The following TTYH1 variants were observed in gnomAD, a reference collection of about 807,000 sequenced individuals.
The protein encoded by TTYH1 is protein tweety homolog 1.
A neutral mutation model predicts 61.2 loss-of-function variants in TTYH1; 33 were observed. The ratio of observed to expected loss-of-function variants is 0.54; its 90% CI spans 0.41 to 0.72. The LOEUF is 0.72. Among genes scored for constraint, TTYH1 ranks in the 30% least tolerant of loss-of-function variants. TTYH1 has a pLI of 0.00. For missense variants in TTYH1, 538 were observed against 575.8 expected, an observed-to-expected ratio of 0.93 and a Z score of 0.67; for synonymous variants, 308 against 266.4, an observed-to-expected ratio of 1.16 and a Z score of -1.52.
At chr19:54,426,811 C>G (rs769875375) in intron 5 of TTYH1, 43 bp downstream of exon 5, 1 of 1,539,842 alleles carries the variant, frequency 6.5e-7, no homozygotes, top group Admixed American at 1.7e-5. Context: ...GCCTGGCACT[C>G]TCCTGGCAGG....
intron 10 of TTYH1, 140 bp downstream of exon 10, chr19:54,431,331 T>C (rs1207382936): frequency 1.6e-6 from 1 of 640,430 alleles, no homozygotes. Context: ...GATTTATCTG[T>C]CCTATATCTA....
chr19:54,431,253 C>T, intron 10 of TTYH1, 62 bp downstream of exon 10: 1 of 1,129,402 alleles, frequency 8.9e-7, no homozygotes, highest in Non-Finnish European at 1.3e-6. Context: ...ACCCACAGAA[C>T]TACCTCCTCC....
Position 54,416,081 on chromosome 19 carries a change from G to T in TTYH1, c.126+403G>T. ...GATCAGAGCAGGTGAATATGTCCCA[G>T]ATAAGGTGGGACCCAGGAGACAGCG... On this transcript the variant is annotated intron_variant, in intron 1 of 13. Coordinates refer to ENST00000376530, the MANE Select transcript of TTYH1 (RefSeq NM_020659.4). This position sits in a 1 kb window ranked among gnomAD's most constrained non-coding sequence, Gnocchi z 7.0. 7.7e-7 allele frequency: 1 copy of T among 1,305,292 alleles called. No individual in the cohort carries two copies. The highest frequency in any genetic ancestry group is 1.0e-6 in the Non-Finnish European group (1 of 989,558). The allele number at this position is 1,305,292 out of a possible 1,614,324, so 80.9% of individuals were successfully genotyped here. A position where few individuals can be genotyped will look rare whatever the true frequency, so the allele number is the denominator to read the frequency against.
At position 54,420,299 on chromosome 19, in the gene TTYH1, G is replaced by A. The variant is rs2083182907; in HGVS notation, c.306-978G>A. 6.6e-6 allele frequency among the ~76,000 whole-genome samples: 1 copy of A among 152,178 alleles called. No individual in the cohort carries two copies. The highest frequency in any genetic ancestry group is 1.5e-5 in the Non-Finnish European group (1 of 68,016). On this transcript the variant is annotated intron_variant, in intron 2 of 13. Coordinates refer to ENST00000376530, the MANE Select transcript of TTYH1 (RefSeq NM_020659.4). The surrounding 1 kb of genome is among the most constrained non-coding windows in gnomAD (Gnocchi z 4.8). ...GCAAGGGGAGGGACCTGTAGGGGTG[G>A]CCTGTATTCAGGACGCTTCCTCCTC...
At position 54,419,914 on chromosome 19, in the gene TTYH1, G is replaced by A. The variant is rs1262663802; in HGVS notation, c.305+608G>A. 6.6e-6 allele frequency among the ~76,000 whole-genome samples: 1 copy of A among 152,140 alleles called. No individual in the cohort carries two copies. The highest frequency in any genetic ancestry group is 2.4e-5 in the African/African-American group (1 of 41,428). On this transcript the variant is annotated intron_variant, in intron 2 of 13. Transcript: ENST00000376530. The surrounding 1 kb of genome is among the most constrained non-coding windows in gnomAD (Gnocchi z 6.1). ...AAATAGATATAATCACCCTCCAAGA[G>A]CACCTCATCTGTGCCCAGACCTGAG...
At chr19:54,417,033 T>C (rs2122845865) in intron 1 of TTYH1, 1 of 1,042,834 alleles carries the variant, frequency 9.6e-7, no homozygotes, top group African/African-American at 1.8e-5. Context: ...GGGGGACCCC[T>C]GCAGGGACGC....
chr19:54,426,056 C>G (rs1339184457), intron 4 of TTYH1, among the ~76,000 whole-genome samples: 1 of 152,230 alleles, frequency 6.6e-6, no homozygotes, highest in Non-Finnish European at 1.5e-5. Flanking sequence ...CCCTCGTTCA[C>G]GCTCAGGCTA....
chr19:54,420,774 C>T lies in TTYH1; in HGVS notation c.306-503C>T, dbSNP rs542547262. On this transcript the variant is annotated intron_variant, in intron 2 of 13. Coordinates refer to ENST00000376530, the MANE Select transcript of TTYH1 (RefSeq NM_020659.4). This position sits in a 1 kb window ranked among gnomAD's most constrained non-coding sequence, Gnocchi z 4.8. ...CCCCAGGAGATGGTGGCAGCTGCCCCCCTTGTACCCTTAGGAACCCCCAGG... is the reference window on the plus strand; with the variant it reads ...CCCCAGGAGATGGTGGCAGCTGCCCTCCTTGTACCCTTAGGAACCCCCAGG... 5.8e-6 allele frequency: 1 copy of T among 173,666 alleles called. No individual in the cohort carries two copies. The highest frequency in any genetic ancestry group is 1.8e-4 in the South Asian group (1 of 5,492). 10.8% of individuals were successfully genotyped at this position (173,666 alleles called of 1,614,324 possible).
In TTYH1 at chr19:54,420,373, G is replaced by T. The variant is rs1434213291; in HGVS notation, c.306-904G>T. On this transcript the variant is annotated intron_variant, in intron 2 of 13. Transcript: ENST00000376530. The surrounding 1 kb of genome is among the most constrained non-coding windows in gnomAD (Gnocchi z 4.8). ...CAGGGGAGGTGGACAAAGGCCCAGT[G>T]GGGGAGAGACACGGCCCCAGCCCCC... is the stretch of plus-strand genomic sequence containing the variant. 6.6e-6 allele frequency among the ~76,000 whole-genome samples: 1 copy of T among 152,178 alleles called. No individual in the cohort carries two copies. The highest frequency in any genetic ancestry group is 1.5e-5 in the Non-Finnish European group (1 of 68,010).
chr19:54,435,912 G>A lies in TTYH1; in HGVS notation c.1314+39G>A, dbSNP rs771560456. The A allele has an allele frequency of 3.1e-6, 5 of 1,606,902 alleles. No individual in the cohort carries two copies. In the African/African-American group the frequency reaches 4.0e-5, roughly 13 times the overall value. ...GGGTCTGAGGGAGGAGGGGCGGGGG[G>A]TCCTGAACTCCTGGGTCTGAGGGAG... On this transcript the variant is annotated intron_variant, in intron 12 of 13. Coordinates refer to ENST00000376530, the MANE Select transcript of TTYH1 (RefSeq NM_020659.4).
At chr19:54,432,845 A>C (rs2083469052) in intron 10 of TTYH1, 1 of 152,198 alleles carries the variant, frequency 6.6e-6, no homozygotes, top group South Asian at 2.1e-4. Flanking sequence ...AACCCTACCC[A>C]AGAGGGATTT....
chr19:54,428,984 G>T (rs1021158684), intron 5 of TTYH1, among the ~76,000 whole-genome samples: 3 of 152,182 alleles, frequency 2.0e-5, no homozygotes, highest in South Asian at 4.1e-4. Context: ...GTGGACTTGG[G>T]GGAGCCTTCG....
intron 4 of TTYH1, among the ~76,000 whole-genome samples, chr19:54,425,080 C>T (rs1244809588): frequency 6.6e-6 from 1 of 152,202 alleles, no homozygotes; most frequent in East Asian, 1.9e-4. Flanking sequence ...TGGAACCCAG[C>T]GACCAGTGTT....
rs1569271286 is a variant in TTYH1, at chr19:54,436,216, C to A, written c.*42+45C>A. The A allele has an allele frequency of 6.2e-7, 1 of 1,605,958 alleles. No homozygotes were observed. The highest frequency in any genetic ancestry group is 1.7e-5 in the Admixed American group (1 of 59,862). ...CCCAGCTCCTGCAGCCGGGCCTCTG[C>A]CCCCCTCCCGCCCTCCGAGCTGCTC... is the stretch of plus-strand genomic sequence containing the variant. On this transcript the variant is annotated intron_variant, in intron 13 of 13. Coordinates refer to ENST00000376530, the MANE Select transcript of TTYH1 (RefSeq NM_020659.4). The surrounding 1 kb of genome is among the most constrained non-coding windows in gnomAD (Gnocchi z 4.3).
At chr19:54,430,635 T>C (rs2083418575) in intron 8 of TTYH1, 30 bp downstream of exon 8, 2 of 1,611,212 alleles carry the variant, frequency 1.2e-6, no homozygotes, top group African/African-American at 1.3e-5. Flanking sequence ...GAAACGGGTG[T>C]TGAGGGAGCC....
chr19:54,416,928 C>G lies in TTYH1; in HGVS notation c.126+1250C>G. On this transcript the variant is annotated intron_variant, in intron 1 of 13. Coordinates refer to ENST00000376530, the MANE Select transcript of TTYH1 (RefSeq NM_020659.4). This position sits in a 1 kb window ranked among gnomAD's most constrained non-coding sequence, Gnocchi z 7.0. ...GCGGCCCCAGTCACCGCCAGAGGCA[C>G]GGGTTTGGGGGAGCCTCACTCCGCC... is the stretch of plus-strand genomic sequence containing the variant. 1 of 1,277,442 alleles carries G rather than the reference C, an allele frequency of 7.8e-7. No individual in the cohort carries two copies. The highest frequency in any genetic ancestry group is 1.3e-5 in the South Asian group (1 of 79,018). The allele number at this position is 1,277,442 out of a possible 1,614,324, so 79.1% of individuals were successfully genotyped here.
chr19:54,420,498 T>C lies in TTYH1; in HGVS notation c.306-779T>C, dbSNP rs971655356. Among the ~76,000 whole-genome samples, 5 of 150,510 alleles carry C rather than the reference T, an allele frequency of 3.3e-5. No individual in the cohort carries two copies. The highest frequency in any genetic ancestry group is 1.2e-4 in the African/African-American group (5 of 40,802). ...ATGGGGGTGGAGGCCCAGCCGGGGC[T>C]GGGAACCGGGAGGGTGTCAGGCTCC... is the stretch of plus-strand genomic sequence containing the variant. On this transcript the variant is annotated intron_variant, in intron 2 of 13. Transcript: ENST00000376530. This position sits in a 1 kb window ranked among gnomAD's most constrained non-coding sequence, Gnocchi z 4.8.
At chr19:54,426,963 ATGC>A (rs1439266314) in intron 5 of TTYH1, among the ~76,000 whole-genome samples, 195 bp downstream of exon 5, 1 of 152,138 alleles carries the variant, frequency 6.6e-6, no homozygotes, top group Non-Finnish European at 1.5e-5. Context: ...AGTATGAAGT[ATGC>A]TGGAATCATG....
Position 54,421,998 on chromosome 19 carries a change from C to T in TTYH1, c.418-192C>T, listed in dbSNP as rs2083226492. ...ACCATCCAGAGCTCTGGATAGAGGCCACAGAACTCCATGAACTTGATCTTG... is the reference window on the plus strand; with the variant it reads ...ACCATCCAGAGCTCTGGATAGAGGCTACAGAACTCCATGAACTTGATCTTG... On this transcript the variant is annotated intron_variant, in intron 3 of 13. Coordinates refer to ENST00000376530, the MANE Select transcript of TTYH1 (RefSeq NM_020659.4). This position sits in a 1 kb window ranked among gnomAD's most constrained non-coding sequence, Gnocchi z 4.8. Among the ~76,000 whole-genome samples, 1 of 152,160 alleles carries T rather than the reference C, an allele frequency of 6.6e-6. No homozygotes were observed.
Sources: gnomAD v4.1 joint callset for allele counts (sites outside exome capture counted in the v4.1 genomes callset) on GRCh38, gnomAD v4.1.1 for gene constraint, Gnocchi (gnomAD v3.1) non-coding constraint, MANE v1.5 for transcripts, NCBI Gene and HGNC (gene_info 2026-07-23, HGNC 2026-07-21) for gene names.